DOCK2: variants seen among roughly 807,000 people sequenced by gnomAD.
The protein encoded by DOCK2 is dedicator of cytokinesis protein 2.
A neutral mutation model predicts 248.9 loss-of-function variants in DOCK2; 87 were observed. That is an observed-to-expected ratio of 0.35 (90% CI 0.29 to 0.42). DOCK2 has a LOEUF of 0.42. Among genes scored for constraint, DOCK2 ranks in the 10% least tolerant of loss-of-function variants. DOCK2 has a pLI of 1.00. For missense variants in DOCK2, 1,747 were observed against 2,300.2 expected (o/e 0.76, Z 4.92); for synonymous variants, 805 against 821.6 (o/e 0.98, Z 0.35).
rs111792134 is a variant in DOCK2, at chr5:169,846,719, C to T, written c.2799+5867C>T. Among the ~76,000 whole-genome samples the T allele has an allele frequency of 3.4e-4, 52 of 151,842 alleles. 1 individual carries two copies. The highest frequency in any genetic ancestry group is 1.2e-3 in the African/African-American group (49 of 41,410). On this transcript the variant is annotated intron_variant, in intron 27 of 51. Transcript: ENST00000520908. ...ACAGATATATGCTTTTATTTCAATA[C>T]GTTTGGAGTACAAGTGGTTTTTTGT...
At chr5:169,803,970 T>C (rs1767152032) in intron 26 of DOCK2, among the ~76,000 whole-genome samples, 1 of 152,208 alleles carries the variant, frequency 6.6e-6, no homozygotes. Flanking sequence ...CCTTGAGTAA[T>C]GTCCAGGAGG....
chr5:169,895,235 AG>A, intron 27 of DOCK2, among the ~76,000 whole-genome samples: 1 of 152,312 alleles, frequency 6.6e-6, no homozygotes, highest in South Asian at 2.1e-4. Flanking sequence ...GAAGTATAAA[AG>A]CTCAAGTTTA....
At chr5:169,685,229 A>G (rs1330440303) in intron 8 of DOCK2, among the ~76,000 whole-genome samples, 1 of 152,214 alleles carries the variant, frequency 6.6e-6, no homozygotes, top group Non-Finnish European at 1.5e-5. Context: ...TGCAAGGGGC[A>G]GTGGTTGTTA....
At chr5:169,856,167 T>A (rs1339239225) in intron 27 of DOCK2, among the ~76,000 whole-genome samples, 1 of 152,126 alleles carries the variant, frequency 6.6e-6, no homozygotes, top group Non-Finnish European at 1.5e-5. Context: ...AAGATGAGAT[T>A]TGGGTGGGGA....
chr5:169,721,705 C>A (rs11952154), intron 22 of DOCK2, among the ~76,000 whole-genome samples: 4,923 of 152,276 alleles, frequency 0.032, 93 homozygotes, highest in African/African-American at 0.043. Flanking sequence ...TTTTGCACAT[C>A]CTGCCCAGGA....
At chr5:169,882,995 C>T in intron 27 of DOCK2, 1 of 1,551,644 alleles carries the variant, frequency 6.4e-7, no homozygotes, top group Non-Finnish European at 8.7e-7. Flanking sequence ...GATGAAGGAA[C>T]ACACGTTTCC....
At chr5:169,700,943 GAGAA>G (rs34443091) in intron 13 of DOCK2, among the ~76,000 whole-genome samples, 60 of 150,384 alleles carry the variant, frequency 4.0e-4, no homozygotes, top group South Asian at 2.5e-3. Flanking sequence ...AAAAGAAGGA[GAGAA>G]AGAAAGAAAG....
intron 44 of DOCK2, among the ~76,000 whole-genome samples, chr5:170,064,527 C>T (rs920784656): frequency 1.3e-5 from 2 of 151,564 alleles, no homozygotes; most frequent in Non-Finnish European, 2.9e-5. Flanking sequence ...GATGAGCAAA[C>T]TCGAAGACAA....
intron 14 of DOCK2, among the ~76,000 whole-genome samples, chr5:169,705,974 A>G (rs1322206577): frequency 6.6e-6 from 1 of 152,262 alleles, no homozygotes; most frequent in Non-Finnish European, 1.5e-5. Flanking sequence ...TAGGCAATGT[A>G]GAAAATTATG....
intron 27 of DOCK2, among the ~76,000 whole-genome samples, chr5:169,863,180 A>G (rs1771312202): frequency 1.3e-5 from 2 of 152,226 alleles, no homozygotes; most frequent in African/African-American, 4.8e-5. Context: ...GGATGGAAAG[A>G]TATTTAAACC....
At chr5:169,919,877 G>T (rs1775076176) in intron 27 of DOCK2, among the ~76,000 whole-genome samples, 1 of 152,220 alleles carries the variant, frequency 6.6e-6, no homozygotes, top group Non-Finnish European at 1.5e-5. Context: ...TTAACCAGCA[G>T]ATTAGTATTA....
chr5:169,785,894 G>A (rs905112815), intron 25 of DOCK2, among the ~76,000 whole-genome samples: 13 of 152,104 alleles, frequency 8.5e-5, no homozygotes, highest in South Asian at 2.1e-4. Flanking sequence ...AAAAGAAGGC[G>A]GAGTCAACTT....
intron 15 of DOCK2, among the ~76,000 whole-genome samples, chr5:169,710,764 C>T (rs1434023082): frequency 6.6e-6 from 1 of 152,190 alleles, no homozygotes; most frequent in East Asian, 1.9e-4. Context: ...TGTGTCTCCC[C>T]ATACCCAATG....
At chr5:170,037,422 T>C (rs2113839831) in intron 36 of DOCK2, among the ~76,000 whole-genome samples, 1 of 151,850 alleles carries the variant, frequency 6.6e-6, no homozygotes, top group African/African-American at 2.4e-5. Flanking sequence ...GCCAATCCTA[T>C]ATTGTTGAAC....
chr5:169,762,653 G>T (rs1312808965), intron 25 of DOCK2, among the ~76,000 whole-genome samples: 24 of 152,188 alleles, frequency 1.6e-4, no homozygotes, highest in Admixed American at 1.5e-3. Flanking sequence ...TTCAGAAACT[G>T]CATTCCTTCA....
rs150947384 is a variant in DOCK2, at chr5:169,981,357, G to A, written c.2800-1711G>A. ...GTATATATACATACAGGCATACCTC[G>A]TTTTATTATGCTTCACAGATACCTG... On this transcript the variant is annotated intron_variant, in intron 27 of 51. Coordinates refer to ENST00000520908, the MANE Select transcript of DOCK2 (RefSeq NM_004946.3). Among the ~76,000 whole-genome samples the A allele has an allele frequency of 2.8e-3, 423 of 152,228 alleles. 3 individuals are homozygous for A. Among genetic ancestry groups the A allele is most frequent in the African/African-American group, 2.9e-3 (121 of 41,530 alleles).
chr5:169,747,145 C>A (rs1450078048), intron 22 of DOCK2, among the ~76,000 whole-genome samples: 3 of 152,024 alleles, frequency 2.0e-5, no homozygotes, highest in African/African-American at 4.8e-5. Flanking sequence ...TTGGGGTTTC[C>A]TTGGGGTTTA....
At chr5:170,052,745 C>G (rs754355334) in intron 41 of DOCK2, among the ~76,000 whole-genome samples, 11 of 152,124 alleles carry the variant, frequency 7.2e-5, no homozygotes, top group Non-Finnish European at 1.3e-4. Flanking sequence ...AACTGTTTAC[C>G]ATGTACTAGG....
rs558816914 is a variant in DOCK2, at chr5:169,649,924, C to A, written c.44-4479C>A. On this transcript the variant is annotated intron_variant, in intron 1 of 51. Transcript: ENST00000520908. ...GTTCAAGCAATTCTCCTGCCTCAGT[C>A]CCCCGAGTAGCTGGGACTACAGGTG... is the stretch of plus-strand genomic sequence containing the variant. Among the ~76,000 whole-genome samples, 422 of 152,064 alleles carry A rather than the reference C, an allele frequency of 2.8e-3. 1 individual carries two copies. The highest frequency in any genetic ancestry group is 9.6e-3 in the African/African-American group (399 of 41,464).
Sources: allele counts gnomAD v4.1 joint callset (sites outside exome capture counted in the v4.1 genomes callset), GRCh38; gene constraint gnomAD v4.1.1; transcripts MANE v1.5; gene names NCBI Gene and HGNC (gene_info 2026-07-23, HGNC 2026-07-21).